The following XXYLT1 variants were observed in gnomAD, a reference collection of about 807,000 sequenced individuals.
XXYLT1 encodes xyloside xylosyltransferase 1, also known as UDP-xylose:alpha-xyloside alpha-1,3-xylosyltransferase.
A neutral mutation model predicts 28.9 loss-of-function variants in XXYLT1; 20 were observed. The ratio of observed to expected loss-of-function variants is 0.69; its 90% CI spans 0.49 to 1.00. The LOEUF (loss-of-function observed/expected upper bound fraction) is 1.00, where lower values mean the gene tolerates loss of function less well. Ranked by LOEUF, XXYLT1 falls within the 50% of genes least tolerant of loss-of-function variation. XXYLT1 has a pLI of 0.00. For synonymous variants in XXYLT1, 257 were observed against 253.8 expected (o/e 1.01, Z -0.12); for missense variants, 542 against 560.1 (o/e 0.97, Z 0.33).
At chr3:195,075,178 G>C (rs371476812) in intron 3 of XXYLT1, among the ~76,000 whole-genome samples, 2 of 152,214 alleles carry the variant, frequency 1.3e-5, no homozygotes, top group African/African-American at 4.8e-5. Context: ...TTTGAACCCG[G>C]GAGGCAGAGG....
chr3:195,251,142 C>T (rs1725235875), intron 1 of XXYLT1, among the ~76,000 whole-genome samples: 1 of 152,246 alleles, frequency 6.6e-6, no homozygotes, highest in Non-Finnish European at 1.5e-5. Context: ...CCAAGTCATC[C>T]TCGCACGAGG....
chr3:195,171,089 A>G (rs76570060), intron 2 of XXYLT1, among the ~76,000 whole-genome samples: 6,410 of 152,252 alleles, frequency 0.042, 470 homozygotes, highest in African/African-American at 0.15. Context: ...GCCTAAAGTG[A>G]TACAGACCAT....
In XXYLT1 at chr3:195,133,601, A is replaced by G. The variant is rs1719011755; in HGVS notation, c.785+22848T>C. On this transcript the variant is annotated intron_variant, in intron 3 of 3. Coordinates refer to ENST00000310380, the MANE Select transcript of XXYLT1 (RefSeq NM_152531.5). This position sits in a 1 kb window ranked among gnomAD's most constrained non-coding sequence, Gnocchi z 4.4. ...TGAGTCACCTCTGCTACGCCTAACA[A>G]GCAGAGGCGGACGAGCTGCTGTGCC... Among the ~76,000 whole-genome samples, 1 of 152,204 alleles carries G rather than the reference A, an allele frequency of 6.6e-6. No homozygotes were observed.
intron 3 of XXYLT1, among the ~76,000 whole-genome samples, chr3:195,071,989 G>A (rs1050393348): frequency 2.6e-5 from 4 of 151,854 alleles, no homozygotes; most frequent in African/African-American, 9.7e-5. Context: ...CATGCTCCAC[G>A]GAGCCCACGT....
chr3:195,136,825 T>A (rs1412313570), intron 3 of XXYLT1, among the ~76,000 whole-genome samples: 1 of 151,950 alleles, frequency 6.6e-6, no homozygotes, highest in Non-Finnish European at 1.5e-5. Flanking sequence ...GAAAAATAAA[T>A]AAATAAATAA....
intron 3 of XXYLT1, among the ~76,000 whole-genome samples, chr3:195,112,597 G>A (rs565491438): frequency 3.1e-4 from 40 of 130,194 alleles, no homozygotes; most frequent in East Asian, 3.0e-3. Flanking sequence ...ACACACACAC[G>A]CATGCACACA....
chr3:195,216,747 G>A lies in XXYLT1; in HGVS notation c.652+9962C>T, dbSNP rs1352332000. On this transcript the variant is annotated intron_variant, in intron 2 of 3. Transcript: ENST00000310380. ...CTACCAGAGGTACAAGGAGGAACTG[G>A]TACCATTCCTTCTGAAACTATTCCA... 3.0e-3 allele frequency among the ~76,000 whole-genome samples: 440 copies of A among 149,048 alleles called. 2 individuals carry two copies. The highest frequency in any genetic ancestry group is 9.2e-3 in the African/African-American group (372 of 40,308).
At chr3:195,214,480 C>T (rs1560156311) in intron 2 of XXYLT1, among the ~76,000 whole-genome samples, 4 of 152,146 alleles carry the variant, frequency 2.6e-5, no homozygotes, top group African/African-American at 9.7e-5. Flanking sequence ...CTTTCTGAAG[C>T]AAGCAGGGGC....
chr3:195,084,436 A>AG (rs1209981225), intron 3 of XXYLT1, among the ~76,000 whole-genome samples: 4 of 152,290 alleles, frequency 2.6e-5, no homozygotes, highest in African/African-American at 9.6e-5. Context: ...GGAGCATGGA[A>AG]GCCACCTGGG....
At chr3:195,119,891 T>G (rs1718255121) in intron 3 of XXYLT1, among the ~76,000 whole-genome samples, 1 of 121,796 alleles carries the variant, frequency 8.2e-6, no homozygotes, top group Admixed American at 9.7e-5. Flanking sequence ...TCAAGGGGTT[T>G]GTGGCTGAAG....
intron 2 of XXYLT1, chr3:195,175,885 G>T: frequency 1.4e-6 from 2 of 1,404,302 alleles, no homozygotes; most frequent in East Asian, 2.6e-5. Context: ...TGTGACATTT[G>T]TGTGGGAAAG....
chr3:195,219,003 A>C (rs1426967222), intron 2 of XXYLT1, among the ~76,000 whole-genome samples: 11 of 152,110 alleles, frequency 7.2e-5, no homozygotes, highest in South Asian at 6.2e-4. Flanking sequence ...TGATGAGTTA[A>C]TGTCCTTTGT....
In XXYLT1 at chr3:195,110,279, TG is replaced by T. The variant is rs1560100640; in HGVS notation, c.786-40169del. 1.3e-4 allele frequency among the ~76,000 whole-genome samples: 10 copies of T among 74,118 alleles called. 1 individual carries two copies. Among genetic ancestry groups the T allele is most frequent in the South Asian group, 1.1e-3 (2 of 1,770 alleles). The allele number at this position is 74,118 out of a possible 152,430, so 48.6% of individuals were successfully genotyped here. On this transcript the variant is annotated intron_variant, in intron 3 of 3. Coordinates refer to ENST00000310380, the MANE Select transcript of XXYLT1 (RefSeq NM_152531.5). ...AGTGTGTGTGGGTGTGTGGTGTGTG[TG>T]GGGTGTATGTGTGCGTGTGTGGTAT...
chr3:195,238,074 G>A (rs1001628375), intron 1 of XXYLT1, among the ~76,000 whole-genome samples: 4 of 152,036 alleles, frequency 2.6e-5, no homozygotes, highest in African/African-American at 9.7e-5. Context: ...ACGACTCGTC[G>A]CTCCCTTAGT....
At chr3:195,184,595 C>G (rs926778789) in intron 2 of XXYLT1, 11 of 985,010 alleles carry the variant, frequency 1.1e-5, no homozygotes, top group Non-Finnish European at 1.3e-5. Flanking sequence ...AAGAACCCCC[C>G]CAAGAAACAT....
At chr3:195,101,245 T>C (rs1357508200) in intron 3 of XXYLT1, among the ~76,000 whole-genome samples, 2 of 152,280 alleles carry the variant, frequency 1.3e-5, no homozygotes, top group Non-Finnish European at 2.9e-5. Context: ...ATGTTCGACT[T>C]AATTGATTGG....
At chr3:195,239,102 C>T (rs993141187) in intron 1 of XXYLT1, among the ~76,000 whole-genome samples, 3 of 152,218 alleles carry the variant, frequency 2.0e-5, no homozygotes, top group African/African-American at 4.8e-5. Context: ...GCCAAGCCTG[C>T]ACCCATGAAT....
Position 195,150,675 on chromosome 3 carries a change from C to T in XXYLT1, c.785+5774G>A, listed in dbSNP as rs781209144. Among the ~76,000 whole-genome samples the T allele has an allele frequency of 1.3e-5, 2 of 152,136 alleles. No homozygotes were observed. The highest frequency in any genetic ancestry group is 2.4e-5 in the African/African-American group (1 of 41,428). ...CCGCAGAGCCTGGGGAGAATGAAAC[C>T]GGAAGCCTATGCCGCCACCAACAAG... On this transcript the variant is annotated intron_variant, in intron 3 of 3. Coordinates refer to ENST00000310380, the MANE Select transcript of XXYLT1 (RefSeq NM_152531.5). This position sits in a 1 kb window ranked among gnomAD's most constrained non-coding sequence, Gnocchi z 4.7.
chr3:195,195,781 C>T lies in XXYLT1; in HGVS notation c.652+30928G>A, dbSNP rs1722600419. 6.6e-6 allele frequency among the ~76,000 whole-genome samples: 1 copy of T among 152,174 alleles called. No homozygotes were observed. Among genetic ancestry groups the T allele is most frequent in the Non-Finnish European group, 1.5e-5 (1 of 68,044 alleles). On this transcript the variant is annotated intron_variant, in intron 2 of 3. Transcript: ENST00000310380. This position sits in a 1 kb window ranked among gnomAD's most constrained non-coding sequence, Gnocchi z 4.4. ...GCTGGAGCCCCTTCCAGCAGGCTCA[C>T]CCCTCTGGCCTGCAGGAGTTCAGCA...
Sources: allele counts gnomAD v4.1 joint callset (sites outside exome capture counted in the v4.1 genomes callset), GRCh38; gene constraint gnomAD v4.1.1; non-coding constraint Gnocchi (gnomAD v3.1); transcripts MANE v1.5; gene names NCBI Gene and HGNC (gene_info 2026-07-23, HGNC 2026-07-21).